RANBP2: variants seen among roughly 807,000 people sequenced by gnomAD.
RANBP2 encodes the protein RAN binding protein 2, also known as E3 SUMO-protein ligase RanBP2.
RANBP2 carries 57 observed loss-of-function variants against 303.6 expected under a neutral mutation model. The ratio of observed to expected loss-of-function variants is 0.19; its 90% CI spans 0.15 to 0.23. The LOEUF (loss-of-function observed/expected upper bound fraction) is 0.23. Among genes scored for constraint, RANBP2 ranks in the 10% least tolerant of loss-of-function variants. The pLI is 1.00. For missense variants in RANBP2, 3,138 were observed against 3,780.8 expected (o/e 0.83, Z 4.46); for synonymous variants, 1,167 against 1,301.5 (o/e 0.90, Z 2.23).
At chr2:109,289,255 C>G in the RANBP2 span, among the ~76,000 whole-genome samples, 7 of 152,352 alleles carry the variant, frequency 4.6e-5, 1 homozygote, top group Middle Eastern at 0.024. Context: ...ATGAATGCCA[C>G]ATTATCACCC....
chr2:109,132,206 C>G, the RANBP2 span, among the ~76,000 whole-genome samples: 5 of 152,276 alleles, frequency 3.3e-5, no homozygotes, highest in South Asian at 6.2e-4. Context: ...CCATCATTTT[C>G]CAATTAGAAG....
the RANBP2 span, among the ~76,000 whole-genome samples, chr2:109,107,678 A>G: frequency 2.0e-5 from 3 of 152,204 alleles, no homozygotes; most frequent in Non-Finnish European, 4.4e-5. Flanking sequence ...AACAGAAAAG[A>G]AAGTTCAACA....
the RANBP2 span, among the ~76,000 whole-genome samples, chr2:109,064,472 C>CA: frequency 1.6e-3 from 207 of 129,350 alleles, 7 homozygotes; most frequent in Middle Eastern, 0.013. Flanking sequence ...AAAAAAAAAA[C>CA]AAAAACAAAC....
the RANBP2 span, among the ~76,000 whole-genome samples, chr2:109,239,193 T>C: frequency 1.3e-5 from 2 of 152,110 alleles, no homozygotes; most frequent in Admixed American, 6.5e-5. Flanking sequence ...GTGTGAGCCC[T>C]GCACAGTGCT....
chr2:109,620,690 A>G, the RANBP2 span, among the ~76,000 whole-genome samples: 1 of 151,286 alleles, frequency 6.6e-6, no homozygotes, highest in East Asian at 1.9e-4. Flanking sequence ...CATCACAGCG[A>G]CTCTGTCTCA....
At chr2:109,013,355 C>T in the RANBP2 span, among the ~76,000 whole-genome samples, 3 of 152,158 alleles carry the variant, frequency 2.0e-5, no homozygotes, top group South Asian at 4.1e-4. Context: ...TTTTTATTGT[C>T]AGCATAGGAA....
At chr2:109,290,329 C>T in the RANBP2 span, among the ~76,000 whole-genome samples, 1 of 152,312 alleles carries the variant, frequency 6.6e-6, no homozygotes, top group East Asian at 1.9e-4. Context: ...GTAATACATA[C>T]TTATTAGAGT....
chr2:108,852,038 T>C, the RANBP2 span, among the ~76,000 whole-genome samples: 1 of 152,158 alleles, frequency 6.6e-6, no homozygotes, highest in Non-Finnish European at 1.5e-5. Flanking sequence ...AGCATGTACT[T>C]CCTGAGATAA....
chr2:108,764,399 C>T lies in RANBP2; in HGVS notation c.3860C>T (p.Thr1287Ile), dbSNP rs764830622. 2 of 1,613,900 alleles carry T rather than the reference C, an allele frequency of 1.2e-6. No individual in the cohort carries two copies. Among genetic ancestry groups the T allele is most frequent in the African/African-American group, 2.7e-5 (2 of 74,914 alleles). The change falls in exon 20 of 29, where the codon ACT becomes ATT. Residue 1287 changes from threonine (T) to isoleucine (I), a missense_variant. By Grantham distance (89) the Thr-to-Ile change is moderately conservative. Transcript: ENST00000283195. ...KPEQLAIRFKTPEEAALFKCK... is the reference protein window; with the variant it reads ...KPEQLAIRFKIPEEAALFKCK... ...GAACAACTTGCTATTAGGTTCAAAA[C>T]TCCTGAGGAAGCAGCACTTTTTAAA...
chr2:109,383,418 G>A, the RANBP2 span, among the ~76,000 whole-genome samples: 1 of 152,190 alleles, frequency 6.6e-6, no homozygotes, highest in Non-Finnish European at 1.5e-5. Flanking sequence ...TTAGTTCTAA[G>A]ACTTGGCAAT....
chr2:108,719,865 T>C (rs934237622), intron 1 of RANBP2, among the ~76,000 whole-genome samples, 187 bp downstream of exon 1: 13 of 151,870 alleles, frequency 8.6e-5, no homozygotes, highest in African/African-American at 2.2e-4. Context: ...GGGACAGCGG[T>C]GGGCGGGAGA....
intron 8 of RANBP2, among the ~76,000 whole-genome samples, chr2:108,747,450 A>T (rs1573754640): frequency 6.6e-6 from 1 of 152,356 alleles, no homozygotes; most frequent in South Asian, 2.1e-4. Context: ...TGTAATATTA[A>T]ATCAAAGTTA....
the RANBP2 span, among the ~76,000 whole-genome samples, chr2:109,079,970 G>T: frequency 6.6e-6 from 1 of 152,222 alleles, no homozygotes; most frequent in African/African-American, 2.4e-5. Flanking sequence ...GCATGAGGAC[G>T]CATTTCTGGG....
At chr2:109,698,104 C>A in the RANBP2 span, among the ~76,000 whole-genome samples, 22 of 152,100 alleles carry the variant, frequency 1.4e-4, no homozygotes, top group African/African-American at 5.3e-4. Context: ...AGGTGATCCA[C>A]CTGCCTCAGC....
At chr2:108,786,719 C>T (rs1678808701), downstream of RANBP2, 7 of 1,110,164 alleles carry the variant, frequency 6.3e-6, no homozygotes, top group South Asian at 5.3e-5. Flanking sequence ...CCGTGCGTGC[C>T]TCGGGGGGGC....
At chr2:109,400,093 A>C in the RANBP2 span, among the ~76,000 whole-genome samples, 1 of 152,228 alleles carries the variant, frequency 6.6e-6, no homozygotes, top group Non-Finnish European at 1.5e-5. Context: ...CTTATTCAAA[A>C]TCACAATGAA....
the RANBP2 span, chr2:109,544,414 T>A: frequency 6.7e-7 from 1 of 1,483,046 alleles, no homozygotes; most frequent in Non-Finnish European, 8.9e-7. Context: ...TTATAGGATA[T>A]CTGGCCATGG....
At chr2:108,910,394 G>T in the RANBP2 span, 1 of 1,349,328 alleles carries the variant, frequency 7.4e-7, no homozygotes, top group Non-Finnish European at 1.1e-6. Context: ...CTGCACCCTG[G>T]TTCCCCTCCC....
chr2:108,988,294 T>C, the RANBP2 span, among the ~76,000 whole-genome samples: 1 of 152,150 alleles, frequency 6.6e-6, no homozygotes, highest in Non-Finnish European at 1.5e-5. Context: ...TGCAGGAGGC[T>C]GGGAATCAGA....
Sources: allele counts gnomAD v4.1 joint callset (sites outside exome capture counted in the v4.1 genomes callset), GRCh38; gene constraint gnomAD v4.1.1; transcripts MANE v1.5; gene names NCBI Gene and HGNC (gene_info 2026-07-23, HGNC 2026-07-21).